The following EPC2 variants were observed in gnomAD, a reference collection of about 807,000 sequenced individuals.
EPC2 encodes enhancer of polycomb 2.
A neutral mutation model predicts 92.1 loss-of-function variants in EPC2; 14 were observed. The ratio of observed to expected loss-of-function variants is 0.15; its 90% CI spans 0.10 to 0.24. The LOEUF is 0.24. Among genes scored for constraint, EPC2 ranks in the 10% least tolerant of loss-of-function variants. EPC2 has a pLI of 1.00. For synonymous variants in EPC2, 340 were observed against 334.7 expected (o/e 1.02, Z -0.17); for missense variants, 755 against 971.5 (o/e 0.78, Z 2.96).
chr2:148,707,128 G>T (rs1426395250), intron 2 of EPC2, among the ~76,000 whole-genome samples: 1 of 152,104 alleles, frequency 6.6e-6, no homozygotes, highest in Non-Finnish European at 1.5e-5. Context: ...ACACACATAG[G>T]CTCAAAATAA....
intron 1 of EPC2, among the ~76,000 whole-genome samples, chr2:148,661,079 A>G (rs1423885054): frequency 6.6e-6 from 1 of 151,774 alleles, no homozygotes; most frequent in East Asian, 1.9e-4. Context: ...GAACTTTATC[A>G]TTGTTTTGTC....
chr2:148,739,698 A>G (rs1682836748), intron 2 of EPC2, among the ~76,000 whole-genome samples: 1 of 152,138 alleles, frequency 6.6e-6, no homozygotes, highest in Non-Finnish European at 1.5e-5. Context: ...GAGCAGTGGT[A>G]GCTACCTGAT....
intron 1 of EPC2, among the ~76,000 whole-genome samples, chr2:148,676,578 GCTC>G (rs1364912783): frequency 6.6e-6 from 1 of 151,642 alleles, no homozygotes; most frequent in Non-Finnish European, 1.5e-5. Flanking sequence ...ATTCATCTAG[GCTC>G]CTTTCTCTAC....
intron 3 of EPC2, among the ~76,000 whole-genome samples, chr2:148,744,123 A>G (rs953226705): frequency 6.6e-6 from 1 of 152,114 alleles, no homozygotes; most frequent in Admixed American, 6.5e-5. Flanking sequence ...ATATTAAGGT[A>G]CTCATCATTT....
chr2:148,744,127 A>C (rs191952673), intron 3 of EPC2, among the ~76,000 whole-genome samples: 2 of 152,258 alleles, frequency 1.3e-5, no homozygotes, highest in Non-Finnish European at 2.9e-5. Flanking sequence ...TAAGGTACTC[A>C]TCATTTTAAA....
intron 1 of EPC2, among the ~76,000 whole-genome samples, chr2:148,671,338 G>A (rs1647468974): frequency 6.7e-6 from 1 of 148,322 alleles, no homozygotes; most frequent in Non-Finnish European, 1.5e-5. Flanking sequence ...TTTTGGCTGG[G>A]CATGATGGCT....
intron 12 of EPC2, 105 bp downstream of exon 12, chr2:148,783,861 A>C (rs746120323): frequency 9.1e-7 from 1 of 1,100,012 alleles, no homozygotes; most frequent in African/African-American, 1.6e-5. Flanking sequence ...TGTATAAGTC[A>C]ATCAGGACTC....
chr2:148,741,986 A>G (rs1315004826), intron 2 of EPC2, among the ~76,000 whole-genome samples: 1 of 152,220 alleles, frequency 6.6e-6, no homozygotes, highest in African/African-American at 2.4e-5. Flanking sequence ...TGCGCTATAT[A>G]TACTATTCCT....
At position 148,690,182 on chromosome 2, in the gene EPC2, A is replaced by G. The variant is rs1681614762; in HGVS notation, c.154-32A>G. On this transcript the variant is annotated intron_variant, in intron 1 of 13. Transcript: ENST00000258484. ...TTATGCATTGATTAATATTACTAAA[A>G]CAACTTATGTTGCCTACTTTACATT... The G allele has an allele frequency of 3.9e-6, 6 of 1,555,334 alleles. No individual in the cohort carries two copies. In the South Asian group the frequency reaches 6.2e-5, roughly 16 times the overall value.
intron 10 of EPC2, among the ~76,000 whole-genome samples, chr2:148,781,403 A>G (rs1683744726): frequency 6.6e-6 from 1 of 152,226 alleles, no homozygotes; most frequent in African/African-American, 2.4e-5. Flanking sequence ...TTAGAACTGT[A>G]TTATTCAACA....
intron 2 of EPC2, among the ~76,000 whole-genome samples, chr2:148,708,910 A>G (rs1220493204): frequency 1.3e-5 from 2 of 152,194 alleles, no homozygotes; most frequent in African/African-American, 4.8e-5. Flanking sequence ...CAAAAACTGG[A>G]AGTATTCCCT....
intron 2 of EPC2, among the ~76,000 whole-genome samples, chr2:148,707,822 C>T (rs928208819): frequency 3.3e-5 from 5 of 152,098 alleles, no homozygotes; most frequent in African/African-American, 4.8e-5. Flanking sequence ...CACAACATAC[C>T]GGAATCTCTG....
intron 1 of EPC2, among the ~76,000 whole-genome samples, chr2:148,654,694 C>G (rs1421734960): frequency 6.6e-6 from 1 of 152,176 alleles, no homozygotes; most frequent in Non-Finnish European, 1.5e-5. Flanking sequence ...AGAGAGAGCG[C>G]TTTCAAACAT....
At chr2:148,655,353 T>A (rs959749328) in intron 1 of EPC2, among the ~76,000 whole-genome samples, 1 of 152,182 alleles carries the variant, frequency 6.6e-6, no homozygotes, top group African/African-American at 2.4e-5. Context: ...CTCCTCAGAA[T>A]GATGCCATAA....
Position 148,786,328 on chromosome 2 carries a change from T to G in EPC2, c.2375T>G (p.Leu792Trp). The G allele has an allele frequency of 1.9e-6, 3 of 1,612,044 alleles. No homozygotes were observed. Among genetic ancestry groups the G allele is most frequent in the Non-Finnish European group, 1.7e-6 (2 of 1,179,030 alleles). Reference protein sequence around the residue: ...IARENHEPERLGLNGIAETTV... With the variant: ...IARENHEPERWGLNGIAETTV... ...AGAGAGAACCACGAACCAGAAAGAT[T>G]GGGCTTAAATGGAATAGCAGAGACA... Residue 792 changes from leucine to tryptophan, a missense_variant, in exon 14 of 14, where the codon TTG becomes TGG. Leu to Trp is a moderately conservative substitution (Grantham distance 61). Around this residue, in one of 4 missense-constraint regions of EPC2, gnomAD observed 207 missense variants for 260.5 expected, o/e 0.79. Transcript: ENST00000258484.
At chr2:148,766,615 G>T (rs1049631534) in intron 7 of EPC2, among the ~76,000 whole-genome samples, 7 of 152,164 alleles carry the variant, frequency 4.6e-5, no homozygotes, top group Non-Finnish European at 1.0e-4. Context: ...AAAGTATAGG[G>T]AAGGGTTCTA....
chr2:148,784,145 C>A (rs1683813139), intron 12 of EPC2, among the ~76,000 whole-genome samples: 1 of 152,222 alleles, frequency 6.6e-6, no homozygotes, highest in Non-Finnish European at 1.5e-5. Flanking sequence ...CCCACTCTTA[C>A]ATACTGCTCA....
chr2:148,653,937 T>C (rs193147234), intron 1 of EPC2, among the ~76,000 whole-genome samples: 6 of 150,332 alleles, frequency 4.0e-5, no homozygotes, highest in South Asian at 4.3e-4. Flanking sequence ...TTTTAAAGAT[T>C]ACTTTTTTTT....
intron 2 of EPC2, among the ~76,000 whole-genome samples, chr2:148,711,217 A>G (rs1289710433): frequency 6.6e-6 from 1 of 151,972 alleles, no homozygotes; most frequent in East Asian, 1.9e-4. Flanking sequence ...TCAGTCCTAT[A>G]AATTTTTCTC....
Sources: allele counts gnomAD v4.1 joint callset (sites outside exome capture counted in the v4.1 genomes callset), GRCh38; gene constraint gnomAD v4.1.1; regional missense constraint gnomAD v4.1.1; transcripts MANE v1.5; gene names NCBI Gene and HGNC (gene_info 2026-07-23, HGNC 2026-07-21).